The following GRB10 variants were observed in gnomAD, a reference collection of about 807,000 sequenced individuals.
GRB10 encodes growth factor receptor-bound protein 10.
Under a neutral mutation model 80.9 loss-of-function variants are expected in GRB10, and 20 were observed. The observed-to-expected ratio is 0.25, with a 90% confidence interval of 0.17 to 0.36. The LOEUF (loss-of-function observed/expected upper bound fraction) is 0.36. Ranked by LOEUF, GRB10 falls within the 10% of genes least tolerant of loss-of-function variation. The pLI, the probability that GRB10 is intolerant of heterozygous loss-of-function variation, is 1.00. For missense variants in GRB10, 548 were observed against 747.7 expected, an observed-to-expected ratio of 0.73 and a Z score of 3.12; for synonymous variants, 291 against 291.5, an observed-to-expected ratio of 1.00 and a Z score of 0.02.
intron 5 of GRB10, among the ~76,000 whole-genome samples, chr7:50,685,677 C>T (rs979792943): frequency 6.6e-5 from 10 of 152,086 alleles, no homozygotes; most frequent in African/African-American, 1.7e-4. Context: ...CACTGCTTGG[C>T]AGAGAGAAGA....
intron 2 of GRB10, among the ~76,000 whole-genome samples, chr7:50,762,911 A>G (rs1356451785): frequency 6.6e-6 from 1 of 152,164 alleles, no homozygotes; most frequent in South Asian, 2.1e-4. Flanking sequence ...AGGTCAGGAG[A>G]TGGAGACGAT....
At chr7:50,706,113 G>A (rs377005238) in intron 4 of GRB10, among the ~76,000 whole-genome samples, 2 of 152,236 alleles carry the variant, frequency 1.3e-5, no homozygotes, top group Non-Finnish European at 2.9e-5. Context: ...ACCTAGAGTA[G>A]ATAGAAAATT....
At chr7:50,600,414 A>G (rs1026551437) in intron 17 of GRB10, among the ~76,000 whole-genome samples, 2 of 152,218 alleles carry the variant, frequency 1.3e-5, no homozygotes, top group African/African-American at 2.4e-5. Context: ...GTAAAGCCAC[A>G]TGGGAAACAA....
intron 2 of GRB10, among the ~76,000 whole-genome samples, chr7:50,771,894 C>T (rs1004369011): frequency 1.3e-5 from 2 of 152,206 alleles, no homozygotes; most frequent in African/African-American, 4.8e-5. Flanking sequence ...GGGCCTTCAT[C>T]ATATCTATTG....
chr7:50,710,373 TG>T (rs149137269), intron 4 of GRB10, among the ~76,000 whole-genome samples: 11,238 of 152,180 alleles, frequency 0.074, 1,416 homozygotes, highest in African/African-American at 0.26. Flanking sequence ...CAAGGTAGCC[TG>T]GGCACAAAAC....
At chr7:50,621,721 T>C (rs1334428900) in intron 8 of GRB10, among the ~76,000 whole-genome samples, 1 of 152,216 alleles carries the variant, frequency 6.6e-6, no homozygotes, top group Non-Finnish European at 1.5e-5. Flanking sequence ...ATGATTACAA[T>C]GGCCTAAGTT....
Position 50,674,421 on chromosome 7 carries a change from A to G in GRB10, c.362+15T>C, listed in dbSNP as rs2715128. On this transcript the variant is annotated intron_variant, in intron 6 of 18. Coordinates refer to ENST00000401949, the MANE Select transcript of GRB10 (RefSeq NM_001350814.2). Reference sequence around the variant, plus strand: ...CATCCTTGGAGAAGGCTCTGCCCATAAGGCCTGGACCTACCTGACAGCGAG... The same window carrying G: ...CATCCTTGGAGAAGGCTCTGCCCATGAGGCCTGGACCTACCTGACAGCGAG... 0.88 allele frequency: 1,403,415 copies of G among 1,600,936 alleles called. 615,691 individuals are homozygous for G. The highest frequency in any genetic ancestry group is 0.93 in the East Asian group (41,914 of 44,868).
At chr7:50,665,224 C>T (rs139110732) in intron 7 of GRB10, among the ~76,000 whole-genome samples, 9 of 152,202 alleles carry the variant, frequency 5.9e-5, no homozygotes, top group Non-Finnish European at 1.3e-4. Flanking sequence ...TTTTGCCTTC[C>T]GTGAGGGAAT....
Position 50,755,919 on chromosome 7 carries a change from TG to T in GRB10, c.-80del, listed in dbSNP as rs2075009610. 6 of 398,812 alleles carry T rather than the reference TG, an allele frequency of 1.5e-5. No homozygotes were observed. The South Asian group carries it at 7.6e-4, about 51-fold the overall frequency. 24.7% of individuals were successfully genotyped at this position (398,812 alleles called of 1,614,324 possible). A position where few individuals can be genotyped will look rare whatever the true frequency, so the allele number is the denominator to read the frequency against. On this transcript the variant is annotated 5_prime_UTR_variant, in exon 3 of 19. Transcript: ENST00000401949. Reference sequence around the variant, plus strand: ...GAGTTGGCTCTGTAGCACTGTCTGCTGGGGCGGCCACCCTGGCTTCACTGAG... The same window carrying T: ...GAGTTGGCTCTGTAGCACTGTCTGCTGGGCGGCCACCCTGGCTTCACTGAG...
chr7:50,691,224 A>C (rs1023076694), intron 5 of GRB10, among the ~76,000 whole-genome samples: 7 of 152,188 alleles, frequency 4.6e-5, no homozygotes, highest in African/African-American at 1.7e-4. Context: ...GAGCCACTGA[A>C]CGATCGAGGA....
chr7:50,760,728 A>C (rs573834978), intron 2 of GRB10, among the ~76,000 whole-genome samples: 1 of 152,330 alleles, frequency 6.6e-6, no homozygotes. Flanking sequence ...TATTTTTATC[A>C]TGGCACCATG....
At chr7:50,732,218 T>G in intron 4 of GRB10, 54 bp downstream of exon 4, 1 of 1,561,188 alleles carries the variant, frequency 6.4e-7, no homozygotes, top group Non-Finnish European at 8.8e-7. Flanking sequence ...ATGTGTGCCC[T>G]GGCCCTCGAC....
intron 3 of GRB10, among the ~76,000 whole-genome samples, chr7:50,736,364 T>G (rs948824870): frequency 5.3e-5 from 8 of 152,204 alleles, no homozygotes; most frequent in Non-Finnish European, 8.8e-5. Context: ...AGTCTGGTAC[T>G]AACATAAGGA....
At chr7:50,741,017 A>G (rs2071640914) in intron 3 of GRB10, among the ~76,000 whole-genome samples, 1 of 152,232 alleles carries the variant, frequency 6.6e-6, no homozygotes, top group Admixed American at 6.5e-5. Flanking sequence ...TGATAAAAGC[A>G]TAATTGATAA....
At chr7:50,749,424 T>C (rs1240673041) in intron 3 of GRB10, among the ~76,000 whole-genome samples, 1 of 152,168 alleles carries the variant, frequency 6.6e-6, no homozygotes, top group Non-Finnish European at 1.5e-5. Context: ...CCACCATGCC[T>C]GGCCAAAATT....
Position 50,765,065 on chromosome 7 carries a change from C to CA in GRB10, c.-216-9010dup, listed in dbSNP as rs1448830068. ...CATACAAAGAGCCAACAGGTGTATC[C>CA]AAAAAATGCTCAACACCAATATTTA... On this transcript the variant is annotated intron_variant, in intron 2 of 18. Transcript: ENST00000401949. 4.6e-5 allele frequency among the ~76,000 whole-genome samples: 7 copies of CA among 152,134 alleles called. No individual in the cohort carries two copies. The East Asian group carries it at 7.7e-4, about 17-fold the overall frequency.
upstream of GRB10, among the ~76,000 whole-genome samples, chr7:50,784,837 T>C (rs551483972): frequency 2.6e-5 from 4 of 152,090 alleles, no homozygotes; most frequent in Non-Finnish European, 5.9e-5. Flanking sequence ...GCCCAGAAAG[T>C]CTCAGGAATG....
At chr7:50,775,920 G>T (rs769224877) in intron 2 of GRB10, among the ~76,000 whole-genome samples, 1 of 152,216 alleles carries the variant, frequency 6.6e-6, no homozygotes, top group South Asian at 2.1e-4. Context: ...GAGCAGAGAA[G>T]TGATGCCAGG....
At chr7:50,655,610 T>A (rs777820604) in intron 7 of GRB10, among the ~76,000 whole-genome samples, 11 of 152,176 alleles carry the variant, frequency 7.2e-5, no homozygotes, top group Non-Finnish European at 1.3e-4. Context: ...CTCCTGCACC[T>A]GCATCCCAAC....
Sources: gnomAD v4.1 joint callset for allele counts (sites outside exome capture counted in the v4.1 genomes callset) on GRCh38, gnomAD v4.1.1 for gene constraint, MANE v1.5 for transcripts, NCBI Gene and HGNC (gene_info 2026-07-23, HGNC 2026-07-21) for gene names.